MECR: variants seen among roughly 807,000 people sequenced by gnomAD.
MECR encodes the protein mitochondrial trans-2-enoyl-CoA reductase.
MECR carries 37 observed loss-of-function variants against 49.1 expected under a neutral mutation model. That is an observed-to-expected ratio of 0.75 (90% CI 0.58 to 0.99). The LOEUF (loss-of-function observed/expected upper bound fraction) is 0.99. Among genes scored for constraint, MECR ranks in the 50% least tolerant of loss-of-function variants. MECR has a pLI of 0.00. For synonymous variants in MECR, 198 were observed against 191.1 expected (o/e 1.04, Z -0.30); for missense variants, 470 against 479.6 (o/e 0.98, Z 0.19).
At chr1:29,221,070 C>T (rs74065282) in intron 1 of MECR, 3,830 of 205,558 alleles carry the variant, frequency 0.019, 173 homozygotes, top group African/African-American at 0.084. Flanking sequence ...CATGGTAGCA[C>T]GCACCTGTAG....
At chr1:29,196,673 G>A (rs981303802) in intron 7 of MECR, among the ~76,000 whole-genome samples, 28 of 152,212 alleles carry the variant, frequency 1.8e-4, no homozygotes, top group Middle Eastern at 3.4e-3. Context: ...GGGCAACAGA[G>A]TGAGACCCTG....
chr1:29,187,663 G>A (rs191827188), downstream of MECR, among the ~76,000 whole-genome samples: 5 of 150,146 alleles, frequency 3.3e-5, no homozygotes. Context: ...GCAGTGGTGC[G>A]ATCTCAGCTC....
Position 29,216,116 on chromosome 1 carries a change from C to G in MECR, c.295G>C (p.Glu99Gln). The change falls in exon 3 of 10, where the codon GAA becomes CAA. Residue 99 changes from glutamate to glutamine, a missense_variant. Transcript: ENST00000263702. ...TCGTTCCCTCCAACAGCAGGCAGTT[C>G]AGGAAGGAATCCGTAGTTTCCTGAG... is the stretch of plus-strand genomic sequence containing the variant. ...MIQGNYGFLP[E>Q]LPAVGGNEGV... 6.2e-7 allele frequency: 1 copy of G among 1,613,914 alleles called. No individual in the cohort carries two copies. Among genetic ancestry groups the G allele is most frequent in the East Asian group, 2.2e-5 (1 of 44,890 alleles).
At chr1:29,202,756 G>C (rs930902805) in intron 5 of MECR, among the ~76,000 whole-genome samples, 3 of 152,194 alleles carry the variant, frequency 2.0e-5, no homozygotes, top group Admixed American at 2.0e-4. Flanking sequence ...CAAGGGTAAA[G>C]GGGCCTTGGG....
intron 7 of MECR, among the ~76,000 whole-genome samples, chr1:29,198,961 C>T (rs1674662178): frequency 1.3e-5 from 2 of 152,002 alleles, no homozygotes; most frequent in Admixed American, 6.5e-5. Context: ...TAGAACTGCA[C>T]CCCCTGTCTA....
the MECR span, chr1:29,168,885 T>G: frequency 1.3e-5 from 2 of 152,174 alleles, no homozygotes; most frequent in Non-Finnish European, 2.9e-5. Context: ...GCGTGAATGG[T>G]AGGAGGGAAA....
chr1:29,196,294 G>C, intron 7 of MECR, 36 bp from the exon 8 acceptor site: 1 of 1,578,206 alleles, frequency 6.3e-7, no homozygotes, highest in South Asian at 1.1e-5. Context: ...GTGGATGCAA[G>C]GCAGAGACAG....
At chr1:29,175,270 G>A in the MECR span, among the ~76,000 whole-genome samples, 3 of 151,702 alleles carry the variant, frequency 2.0e-5, no homozygotes, top group Non-Finnish European at 2.9e-5. Flanking sequence ...AAAATTAGCC[G>A]GGGGTGGTGG....
At chr1:29,173,808 C>T in the MECR span, among the ~76,000 whole-genome samples, 1 of 151,634 alleles carries the variant, frequency 6.6e-6, no homozygotes, top group Non-Finnish European at 1.5e-5. Context: ...TTAAAGGCTG[C>T]CAAATGATTT....
Position 29,216,104 on chromosome 1 carries a change from C to A in MECR, c.307G>T (p.Val103Phe), listed in dbSNP as rs1558480226. The A allele has an allele frequency of 2.5e-6, 4 of 1,613,966 alleles. No individual in the cohort carries two copies. In the South Asian group the frequency reaches 4.4e-5, roughly 18 times the overall value. ...TGTGCAACACCTTCGTTCCCTCCAA[C>A]AGCAGGCAGTTCAGGAAGGAATCCG... The part of the protein sequence containing the change: ...NYGFLPELPA[V>F]GGNEGVAQVV... Residue 103 changes from valine to phenylalanine, a missense_variant, in exon 3 of 10, where the codon GTT becomes TTT. Transcript: ENST00000263702.
the MECR span, among the ~76,000 whole-genome samples, chr1:29,185,712 G>A: frequency 6.6e-6 from 1 of 152,184 alleles, no homozygotes; most frequent in Non-Finnish European, 1.5e-5. Flanking sequence ...ACCTTGCCCG[G>A]CCATAATCTT....
At chr1:29,226,712 A>C (rs1682152278) in intron 1 of MECR, among the ~76,000 whole-genome samples, 1 of 152,152 alleles carries the variant, frequency 6.6e-6, no homozygotes, top group Admixed American at 6.5e-5. Context: ...AGTGCCTTTC[A>C]ATCTACTTGA....
chr1:29,230,020 A>T (rs926646401), intron 1 of MECR, among the ~76,000 whole-genome samples: 1 of 152,246 alleles, frequency 6.6e-6, no homozygotes, highest in East Asian at 1.9e-4. Flanking sequence ...TTGAGCCTGT[A>T]TTTGACCAAA....
the MECR span, among the ~76,000 whole-genome samples, chr1:29,186,137 T>C: frequency 6.6e-6 from 1 of 152,258 alleles, no homozygotes; most frequent in Admixed American, 6.5e-5. Flanking sequence ...CCTTCCCCAA[T>C]GCAAGTGGCA....
chr1:29,181,632 T>C, the MECR span: 1 of 1,575,872 alleles, frequency 6.3e-7, no homozygotes, highest in Non-Finnish European at 8.6e-7. Flanking sequence ...CGGACCCTCT[T>C]TCGCCCTCCT....
chr1:29,175,027 C>T, the MECR span, among the ~76,000 whole-genome samples: 5 of 150,840 alleles, frequency 3.3e-5, no homozygotes, highest in Non-Finnish European at 5.9e-5. Flanking sequence ...AGAGTGCGTG[C>T]GTGCACATGC....
chr1:29,191,113 C>T (rs1166402733), downstream of MECR, among the ~76,000 whole-genome samples: 1 of 152,084 alleles, frequency 6.6e-6, no homozygotes, highest in African/African-American at 2.4e-5. Context: ...ACCTCCAGAC[C>T]CCTAAAGGTA....
chr1:29,198,532 G>T (rs1364458697), intron 7 of MECR, among the ~76,000 whole-genome samples: 1 of 152,174 alleles, frequency 6.6e-6, no homozygotes, highest in Non-Finnish European at 1.5e-5. Context: ...GGGCTGAAGC[G>T]GTGTGCTCAA....
chr1:29,189,399 G>T (rs574563445), downstream of MECR, among the ~76,000 whole-genome samples: 3 of 151,252 alleles, frequency 2.0e-5, no homozygotes, highest in South Asian at 2.1e-4. Flanking sequence ...GATGGGTTGG[G>T]GGGGGGTCTC....
Sources: allele counts gnomAD v4.1 joint callset (sites outside exome capture counted in the v4.1 genomes callset), GRCh38; gene constraint gnomAD v4.1.1; transcripts MANE v1.5; gene names NCBI Gene and HGNC (gene_info 2026-07-23, HGNC 2026-07-21).